Variants in HECW2 observed in about 807,000 individuals in gnomAD.
HECW2 encodes the protein HECT, C2 and WW domain containing E3 ubiquitin protein ligase 2.
A neutral mutation model predicts 175.2 loss-of-function variants in HECW2; 61 were observed. That is an observed-to-expected ratio of 0.35 (90% confidence interval 0.28 to 0.43). The LOEUF is 0.43. Ranked by LOEUF, HECW2 falls within the 20% of genes least tolerant of loss-of-function variation. The pLI, the probability that HECW2 is intolerant of heterozygous loss-of-function variation, is 1.00. For synonymous variants in HECW2, 671 were observed against 731.0 expected (o/e 0.92, Z 1.32); for missense variants, 1,524 against 2,000.5 (o/e 0.76, Z 4.54).
At chr2:196,327,602 C>T (rs1172049197) in intron 5 of HECW2, among the ~76,000 whole-genome samples, 3 of 152,186 alleles carry the variant, frequency 2.0e-5, no homozygotes. Flanking sequence ...TTGTAGGCAG[C>T]CATTCTAAAG....
chr2:196,274,182 A>G, intron 15 of HECW2, 59 bp from the exon 16 acceptor site: 2 of 1,242,738 alleles, frequency 1.6e-6, no homozygotes, highest in South Asian at 2.5e-5. Flanking sequence ...CTATATCAGC[A>G]TCCCAAACCA....
intron 28 of HECW2, among the ~76,000 whole-genome samples, chr2:196,211,270 G>C (rs1455529149): frequency 6.6e-6 from 1 of 152,178 alleles, no homozygotes; most frequent in African/African-American, 2.4e-5. Flanking sequence ...TTTCAGGCTG[G>C]CATCTTAGCA....
At chr2:196,541,615 C>A (rs559653369) in intron 1 of HECW2, among the ~76,000 whole-genome samples, 1 of 152,198 alleles carries the variant, frequency 6.6e-6, no homozygotes, top group East Asian at 1.9e-4. Context: ...AAAGAGAAGA[C>A]CTCAGTTTTA....
At position 196,198,370 on chromosome 2, in the gene HECW2, A is replaced by G. The variant is rs1686754681; in HGVS notation, c.*2907T>C. 1 of 152,188 alleles carries G rather than the reference A, an allele frequency of 6.6e-6. No homozygotes were observed. Among genetic ancestry groups the G allele is most frequent in the Non-Finnish European group, 1.5e-5 (1 of 68,022 alleles). 9.4% of individuals were successfully genotyped at this position (152,188 alleles called of 1,614,324 possible). A position where few individuals can be genotyped will look rare whatever the true frequency, so the allele number is the denominator to read the frequency against. On this transcript the variant is annotated 3_prime_UTR_variant, in exon 29 of 29. Coordinates refer to ENST00000644978, the MANE Select transcript of HECW2 (RefSeq NM_001348768.2). ...CACACTATCATCTATATATGAAGCCATTATTGAATCTCCCAGATGGAAAAA... is the reference window on the plus strand; with the variant it reads ...CACACTATCATCTATATATGAAGCCGTTATTGAATCTCCCAGATGGAAAAA...
At position 196,320,358 on chromosome 2, in the gene HECW2, A is replaced by T; in HGVS notation, c.966T>A (p.Val322=). ...TCTCACCTTCATGAACAGAAGACGT[A>T]ACCTCCACTTTAAACTGGAGGTACC... The part of the protein sequence containing the change: ...VSGYLQFKVE[V]TSSVHEDASP... Residue 322 remains valine, a synonymous_variant, in exon 8 of 29, where the codon GTT becomes GTA. Transcript: ENST00000644978. 6.2e-7 allele frequency: 1 copy of T among 1,607,596 alleles called. No individual in the cohort carries two copies.
intron 2 of HECW2, among the ~76,000 whole-genome samples, chr2:196,405,848 A>C (rs554445906): frequency 6.6e-6 from 1 of 151,986 alleles, no homozygotes; most frequent in Non-Finnish European, 1.5e-5. Context: ...ATTTCATTTC[A>C]ACTTCTACCC....
intron 14 of HECW2, among the ~76,000 whole-genome samples, chr2:196,285,880 A>C (rs973272702): frequency 3.9e-5 from 6 of 152,220 alleles, no homozygotes; most frequent in Admixed American, 2.0e-4. Flanking sequence ...TGCAGCTCTA[A>C]AGGTGCTAGG....
At chr2:196,576,201 C>G (rs948059122) in intron 1 of HECW2, among the ~76,000 whole-genome samples, 8 of 152,108 alleles carry the variant, frequency 5.3e-5, no homozygotes, top group Non-Finnish European at 1.0e-4. Flanking sequence ...GAGCAATAAG[C>G]TATACCATAT....
At chr2:196,206,855 TG>T (rs1199963590) in intron 28 of HECW2, among the ~76,000 whole-genome samples, 2 of 152,194 alleles carry the variant, frequency 1.3e-5, no homozygotes, top group Non-Finnish European at 2.9e-5. Context: ...GTCCCAAAGA[TG>T]GGCTATTAGT....
intron 1 of HECW2, among the ~76,000 whole-genome samples, chr2:196,533,334 T>C (rs1370073470): frequency 6.6e-6 from 1 of 152,240 alleles, no homozygotes; most frequent in Non-Finnish European, 1.5e-5. Flanking sequence ...GTTAAGTTTC[T>C]AGCATAAAAA....
intron 1 of HECW2, among the ~76,000 whole-genome samples, chr2:196,452,734 C>CAGAAAACAA (rs1696383548): frequency 6.7e-6 from 1 of 150,238 alleles, no homozygotes. Context: ...AAATCTTCCT[C>CAGAAAACAA]AGAAAACAAT....
Position 196,447,211 on chromosome 2 carries a change from G to GT in HECW2, c.-35-13754dup, listed in dbSNP as rs111898174. On this transcript the variant is annotated intron_variant, in intron 1 of 28. Coordinates refer to ENST00000644978, the MANE Select transcript of HECW2 (RefSeq NM_001348768.2). The stretch of plus-strand genomic sequence containing the variant: ...CTACAAAGCACTGTATTTTCCAATT[G>GT]TTTTTTTTTAACAAAGAAGAGATTC... Among the ~76,000 whole-genome samples, 946 of 151,160 alleles carry GT rather than the reference G, an allele frequency of 6.3e-3. 12 individuals carry two copies. Among genetic ancestry groups the GT allele is most frequent in the African/African-American group, 0.021 (863 of 41,238 alleles).
chr2:196,495,277 A>C (rs1687350258), intron 1 of HECW2, among the ~76,000 whole-genome samples: 1 of 152,036 alleles, frequency 6.6e-6, no homozygotes, highest in Admixed American at 6.6e-5. Context: ...CATGTTCGCC[A>C]GGCTGGTCTC....
chr2:196,543,687 A>C (rs1379585614), intron 1 of HECW2, among the ~76,000 whole-genome samples: 6 of 151,974 alleles, frequency 3.9e-5, no homozygotes. Context: ...ATCTTGGCTC[A>C]CTGCAACTTC....
intron 14 of HECW2, among the ~76,000 whole-genome samples, chr2:196,283,996 C>T (rs1420942921): frequency 6.6e-6 from 1 of 152,176 alleles, no homozygotes; most frequent in Non-Finnish European, 1.5e-5. Flanking sequence ...TTTTTCCCCA[C>T]CTCTCTGCTT....
At chr2:196,513,742 C>G (rs1461881542) in intron 1 of HECW2, among the ~76,000 whole-genome samples, 1 of 152,210 alleles carries the variant, frequency 6.6e-6, no homozygotes, top group Non-Finnish European at 1.5e-5. Context: ...TGTGAAGAGA[C>G]AGAGCGGATA....
chr2:196,558,094 G>A (rs531313761), intron 1 of HECW2, among the ~76,000 whole-genome samples: 4 of 152,282 alleles, frequency 2.6e-5, no homozygotes, highest in African/African-American at 9.6e-5. Context: ...ATGAATCAAT[G>A]TAATTTAGTC....
chr2:196,199,150 C>T lies in HECW2; in HGVS notation c.*2127G>A, dbSNP rs1232382047. On this transcript the variant is annotated 3_prime_UTR_variant, in exon 29 of 29. Transcript: ENST00000644978. Reference sequence around the variant, plus strand: ...CCTTTATCTGCTGCTTGGAGAATGCCAGCCCTGAAACATCTTGTATACCAT... The same window carrying T: ...CCTTTATCTGCTGCTTGGAGAATGCTAGCCCTGAAACATCTTGTATACCAT... 2 of 152,334 alleles carry T rather than the reference C, an allele frequency of 1.3e-5. No homozygotes were observed. Among genetic ancestry groups the T allele is most frequent in the African/African-American group, 4.8e-5 (2 of 41,346 alleles). 9.4% of individuals were successfully genotyped at this position (152,334 alleles called of 1,614,324 possible). A position where few individuals can be genotyped will look rare whatever the true frequency, so the allele number is the denominator to read the frequency against.
chr2:196,340,011 T>G (rs971616122), intron 3 of HECW2, among the ~76,000 whole-genome samples: 1 of 152,224 alleles, frequency 6.6e-6, no homozygotes, highest in Non-Finnish European at 1.5e-5. Flanking sequence ...ATAGCCTACG[T>G]AGTGCTCAAA....
Sources: gnomAD v4.1 joint callset for allele counts (sites outside exome capture counted in the v4.1 genomes callset) on GRCh38, gnomAD v4.1.1 for gene constraint, MANE v1.5 for transcripts, NCBI Gene and HGNC (gene_info 2026-07-23, HGNC 2026-07-21) for gene names.